The following SDK1 variants were observed in gnomAD, a reference collection of about 807,000 sequenced individuals.
The protein encoded by SDK1 is sidekick cell adhesion molecule 1.
In SDK1, 157 loss-of-function variants were observed where a neutral mutation model predicts 245.5. The observed-to-expected ratio is 0.64, with a 90% CI of 0.56 to 0.73. The LOEUF is 0.73. SDK1 is among the 30% of genes least tolerant of loss of function. The probability of loss-of-function intolerance (pLI) is 0.00; values close to 1 mark genes in which losing one functional copy is unlikely to be tolerated. For synonymous variants in SDK1, 1,647 were observed against 1,278.5 expected, an observed-to-expected ratio of 1.29 and a Z score of -6.15; for missense variants, 3,583 against 3,002.3, an observed-to-expected ratio of 1.19 and a Z score of -4.52.
At chr7:3,347,853 G>A (rs57534358) in intron 1 of SDK1, among the ~76,000 whole-genome samples, 22,812 of 151,510 alleles carry the variant, frequency 0.15, 2,744 homozygotes, top group African/African-American at 0.33. Context: ...GCACTAGAGC[G>A]TGGCTTAGTA....
chr7:4,222,481 GA>G (rs1785201020), intron 40 of SDK1, among the ~76,000 whole-genome samples: 1 of 152,072 alleles, frequency 6.6e-6, no homozygotes, highest in Admixed American at 6.5e-5. Context: ...TTTTAGTAGA[GA>G]GGGGGTTTCA....
intron 22 of SDK1, 67 bp downstream of exon 22, chr7:4,079,651 G>T (rs1472793372): frequency 1.3e-6 from 2 of 1,594,470 alleles, no homozygotes; most frequent in East Asian, 2.2e-5. Flanking sequence ...TGAATGAGTG[G>T]TACCCCTGCA....
intron 1 of SDK1, among the ~76,000 whole-genome samples, chr7:3,459,398 T>G (rs1056547908): frequency 6.6e-6 from 1 of 152,200 alleles, no homozygotes; most frequent in African/African-American, 2.4e-5. Flanking sequence ...TAACATTATC[T>G]GATGTTGACA....
At chr7:3,846,799 C>G (rs1420114473) in intron 5 of SDK1, among the ~76,000 whole-genome samples, 2 of 152,112 alleles carry the variant, frequency 1.3e-5, no homozygotes, top group African/African-American at 4.8e-5. Context: ...ATCAGGAGAT[C>G]CCCTTCTCCT....
chr7:4,243,436 A>G (rs887697974), intron 43 of SDK1, among the ~76,000 whole-genome samples: 2 of 152,224 alleles, frequency 1.3e-5, no homozygotes, highest in African/African-American at 4.8e-5. Context: ...TCACGCTGCT[A>G]ATAAAGACAT....
At chr7:3,566,322 T>G (rs906363071) in intron 1 of SDK1, among the ~76,000 whole-genome samples, 1 of 151,090 alleles carries the variant, frequency 6.6e-6, no homozygotes, top group East Asian at 2.0e-4. Flanking sequence ...CCTCCCAGGT[T>G]CACGCCATTC....
chr7:3,650,744 T>C (rs1782987327), intron 4 of SDK1, among the ~76,000 whole-genome samples: 1 of 152,166 alleles, frequency 6.6e-6, no homozygotes, highest in African/African-American at 2.4e-5. Flanking sequence ...TAATCACTAA[T>C]CTGCTTTTCC....
chr7:4,082,259 C>T (rs1781105794), intron 22 of SDK1, among the ~76,000 whole-genome samples: 1 of 151,988 alleles, frequency 6.6e-6, no homozygotes, highest in Non-Finnish European at 1.5e-5. Context: ...AAACTTTGGC[C>T]AGGCGTGATG....
intron 44 of SDK1, among the ~76,000 whole-genome samples, chr7:4,258,222 G>A (rs1787745872): frequency 6.6e-6 from 1 of 152,182 alleles, no homozygotes; most frequent in African/African-American, 2.4e-5. Flanking sequence ...TCTCTAAGCA[G>A]TTCTGGACAT....
intron 1 of SDK1, among the ~76,000 whole-genome samples, chr7:3,326,473 C>G (rs1211008399): frequency 2.6e-5 from 4 of 152,058 alleles, no homozygotes; most frequent in South Asian, 2.1e-4. Flanking sequence ...ATAAACTATG[C>G]TATGATGAAT....
At chr7:3,441,289 A>G (rs535692132) in intron 1 of SDK1, among the ~76,000 whole-genome samples, 7 of 152,188 alleles carry the variant, frequency 4.6e-5, no homozygotes, top group Non-Finnish European at 8.8e-5. Flanking sequence ...GTTCAGTACT[A>G]TCTGGTTTCA....
intron 28 of SDK1, among the ~76,000 whole-genome samples, chr7:4,145,107 AC>A (rs1444601119): frequency 5.9e-5 from 9 of 152,170 alleles, no homozygotes; most frequent in African/African-American, 2.2e-4. Flanking sequence ...CCCTCCCTCA[AC>A]TGGGCAGCAC....
intron 4 of SDK1, among the ~76,000 whole-genome samples, chr7:3,810,062 T>C: frequency 6.6e-6 from 1 of 152,098 alleles, no homozygotes; most frequent in Non-Finnish European, 1.5e-5. Context: ...GATGGAATTA[T>C]TTATTGTGTT....
chr7:3,837,813 A>T (rs1272791231), intron 5 of SDK1, among the ~76,000 whole-genome samples: 2 of 152,212 alleles, frequency 1.3e-5, no homozygotes, highest in Non-Finnish European at 2.9e-5. Context: ...ATGTGGCTGG[A>T]TGCTACTGTA....
At chr7:3,672,794 T>TATATATATATAA (rs1468918926) in intron 4 of SDK1, among the ~76,000 whole-genome samples, 12 of 65,578 alleles carry the variant, frequency 1.8e-4, no homozygotes, top group South Asian at 5.6e-4. Context: ...TATATATATA[T>TATATATATATAA]AAAAAATACA....
intron 5 of SDK1, among the ~76,000 whole-genome samples, chr7:3,864,198 C>T (rs1220001232): frequency 2.6e-5 from 4 of 152,220 alleles, no homozygotes; most frequent in African/African-American, 9.6e-5. Flanking sequence ...AACTGGCTCA[C>T]TTCTAATATG....
intron 5 of SDK1, among the ~76,000 whole-genome samples, chr7:3,849,241 A>G (rs997516612): frequency 6.6e-6 from 1 of 152,142 alleles, no homozygotes; most frequent in African/African-American, 2.4e-5. Context: ...CTCCAGCATC[A>G]TGTCTTCCCC....
intron 1 of SDK1, among the ~76,000 whole-genome samples, chr7:3,377,573 C>G (rs12216663): frequency 1.3e-5 from 2 of 151,950 alleles, no homozygotes; most frequent in Non-Finnish European, 2.9e-5. Context: ...TTTCATCCCA[C>G]GACTCCCCGT....
chr7:4,047,183 T>C (rs1789081497), intron 17 of SDK1, among the ~76,000 whole-genome samples: 1 of 152,224 alleles, frequency 6.6e-6, no homozygotes, highest in South Asian at 2.1e-4. Context: ...GAGGGTTTTT[T>C]CTTTTTTAAA....
Sources: gnomAD v4.1 joint callset for allele counts (sites outside exome capture counted in the v4.1 genomes callset) on GRCh38, gnomAD v4.1.1 for gene constraint, MANE v1.5 for transcripts, NCBI Gene and HGNC (gene_info 2026-07-23, HGNC 2026-07-21) for gene names.